The following KHNYN variants were observed in gnomAD, a reference collection of about 807,000 sequenced individuals.
The protein encoded by KHNYN is KH and NYN domain containing.
Under a neutral mutation model 62.7 loss-of-function variants are expected in KHNYN, and 42 were observed. The observed-to-expected ratio is 0.67, with a 90% CI of 0.52 to 0.87. The LOEUF (loss-of-function observed/expected upper bound fraction) is 0.87, where lower values mean the gene tolerates loss of function less well. Among genes scored for constraint, KHNYN ranks in the 40% least tolerant of loss-of-function variants. KHNYN has a pLI of 0.00. For missense variants in KHNYN, 829 were observed against 874.1 expected, an observed-to-expected ratio of 0.95 and a Z score of 0.65; for synonymous variants, 347 against 345.6, an observed-to-expected ratio of 1.00 and a Z score of -0.04.
rs370513271 is a variant in KHNYN, at chr14:24,430,845, G to T, written c.115G>T (p.Val39Leu). 1.9e-6 allele frequency: 3 copies of T among 1,613,480 alleles called. No homozygotes were observed. The highest frequency in any genetic ancestry group is 4.5e-5 in the East Asian group (2 of 44,868). Residue 39 changes from valine (V) to leucine (L), a missense_variant, in exon 2 of 8, where the codon GTG becomes TTG. By Grantham distance (32) the Val-to-Leu change is conservative. Around this residue, in one of 2 missense-constraint regions of KHNYN, gnomAD observed 559 missense variants for 527.0 expected, o/e 1.06. Coordinates refer to ENST00000553935, the MANE Select transcript of KHNYN (RefSeq NM_015299.3). ...TGTGGAGCGCATCTTCAGCGTGGGG[G>T]TGAGCGTCCTTCCGAAGGACTGTCC... Reference protein sequence around the residue: ...PHVERIFSVGVSVLPKDCPDN... With the variant: ...PHVERIFSVGLSVLPKDCPDN...
At chr14:24,430,629 AC>A (rs2043089292) in intron 1 of KHNYN, 84 bp from the exon 2 acceptor site, 15 of 1,491,578 alleles carry the variant, frequency 1.0e-5, no homozygotes, top group Non-Finnish European at 1.2e-5. Context: ...ACTAGGTGCG[AC>A]CTGTTGATAG....
At position 24,440,790 on chromosome 14, in the gene KHNYN, C is replaced by A. The variant is rs1476631626; in HGVS notation, c.*3505C>A. 1 of 1,613,756 alleles carries A rather than the reference C, an allele frequency of 6.2e-7. No individual in the cohort carries two copies. The highest frequency in any genetic ancestry group is 1.3e-5 in the African/African-American group (1 of 74,884). ...CCCAGGCCCGTTTCTCACCTGAGCG[C>A]ACCACCACCTGGCGTGTAGAATCTC... On this transcript the variant is annotated 3_prime_UTR_variant, in exon 8 of 8. Coordinates refer to ENST00000553935, the MANE Select transcript of KHNYN (RefSeq NM_015299.3).
At chr14:24,427,751 T>G (rs764958474), upstream of KHNYN, 26 of 1,601,428 alleles carry the variant, frequency 1.6e-5, no homozygotes, top group Middle Eastern at 3.3e-4. The surrounding 1 kb of genome is among the most constrained non-coding windows in gnomAD (Gnocchi z 4.4). Flanking sequence ...AAGAAAGTTG[T>G]CAGGGGCTGG....
At chr14:24,427,989 G>A, upstream of KHNYN, 1 of 1,611,884 alleles carries the variant, frequency 6.2e-7, no homozygotes, top group Non-Finnish European at 8.5e-7. The surrounding 1 kb of genome is among the most constrained non-coding windows in gnomAD (Gnocchi z 4.4). Flanking sequence ...AGGCTCACCT[G>A]GGGAGGGGAG....
chr14:24,435,582 G>C (rs1284827659), intron 5 of KHNYN: 1 of 160,906 alleles, frequency 6.2e-6, no homozygotes, highest in African/African-American at 2.4e-5. Context: ...AGAGCACAAG[G>C]CTTTTCAAAG....
Position 24,437,966 on chromosome 14 carries a change from T to G in KHNYN, c.*681T>G, listed in dbSNP as rs1157805957. ...AAAGGTGCTTGGACCAAGTCTCAGG[T>G]GTGTCTGCCTGTGGCTGCACAGGCT... is the stretch of plus-strand genomic sequence containing the variant. On this transcript the variant is annotated 3_prime_UTR_variant, in exon 8 of 8. Coordinates refer to ENST00000553935, the MANE Select transcript of KHNYN (RefSeq NM_015299.3). This position sits in a 1 kb window ranked among gnomAD's most constrained non-coding sequence, Gnocchi z 5.5. 6.6e-6 allele frequency: 1 copy of G among 152,556 alleles called. No homozygotes were observed. Among genetic ancestry groups the G allele is most frequent in the Non-Finnish European group, 1.5e-5 (1 of 68,040 alleles). 9.5% of individuals were successfully genotyped at this position (152,556 alleles called of 1,614,324 possible). A position where few individuals can be genotyped will look rare whatever the true frequency, so the allele number is the denominator to read the frequency against.
At position 24,431,938 on chromosome 14, in the gene KHNYN, C is replaced by G. The variant is rs2043123079; in HGVS notation, c.677C>G (p.Ala226Gly). 9.9e-6 allele frequency: 16 copies of G among 1,613,512 alleles called. No individual in the cohort carries two copies. The highest frequency in any genetic ancestry group is 1.6e-4 in the Middle Eastern group (1 of 6,078). ...LLGAQCQGVRAPPSDGRESLD... is the reference protein window; with the variant it reads ...LLGAQCQGVRGPPSDGRESLD... ...GGTGCTCAGTGCCAAGGAGTGAGAG[C>G]TCCCCCTAGTGACGGCAGGGAGTCC... is the stretch of plus-strand genomic sequence containing the variant. The change falls in exon 3 of 8, where the codon GCT (alanine) becomes GGT (glycine). Residue 226 changes from alanine (A) to glycine (G), a missense_variant. Ala to Gly is a moderately conservative substitution (Grantham distance 60). This residue lies in a region of KHNYN where 559 missense variants were observed against 527.0 expected (regional missense o/e 1.06). Transcript: ENST00000553935.
At chr14:24,429,702 G>C (rs1176201346), upstream of KHNYN, 1 of 985,414 alleles carries the variant, frequency 1.0e-6, no homozygotes, top group Middle Eastern at 5.2e-4. Context: ...CTTTATTCGC[G>C]GGAAACAACT....
upstream of KHNYN, among the ~76,000 whole-genome samples, chr14:24,425,679 C>G (rs777315409): frequency 2.0e-5 from 3 of 152,224 alleles, no homozygotes; most frequent in African/African-American, 4.8e-5. Flanking sequence ...CAAACCTACT[C>G]TTAATCATTT....
At chr14:24,430,517 A>G in intron 1 of KHNYN, 197 bp from the exon 2 acceptor site, 1 of 1,392,756 alleles carries the variant, frequency 7.2e-7, no homozygotes, top group South Asian at 1.6e-5. Flanking sequence ...AGCCTTGTTT[A>G]CCGGGACTTC....
Position 24,440,225 on chromosome 14 carries a change from G to A in KHNYN, c.*2940G>A, listed in dbSNP as rs745607800. On this transcript the variant is annotated 3_prime_UTR_variant, in exon 8 of 8. Coordinates refer to ENST00000553935, the MANE Select transcript of KHNYN (RefSeq NM_015299.3). ...TCGCCCAAAGACAGCTTGCACCACA[G>A]CGCTGGGGAGAGGGATGAAGGCTCG... 1 of 1,613,974 alleles carries A rather than the reference G, an allele frequency of 6.2e-7. No individual in the cohort carries two copies. Among genetic ancestry groups the A allele is most frequent in the Non-Finnish European group, 8.5e-7 (1 of 1,179,818 alleles).
Position 24,432,027 on chromosome 14 carries a change from GAGA to G in KHNYN, c.769_771del (p.Lys257del), listed in dbSNP as rs1436232335. Reference sequence around the variant, plus strand: ...AGCAAGGGGAGACACTTACGCTGTGGAGAAGGAGGGAGGGAAACAGGGTGGTCC... The same window carrying G: ...AGCAAGGGGAGACACTTACGCTGTGGAGGAGGGAGGGAAACAGGGTGGTCC... On this transcript the variant is annotated inframe_deletion, in exon 3 of 8. Coordinates refer to ENST00000553935, the MANE Select transcript of KHNYN (RefSeq NM_015299.3). This position sits in a 1 kb window ranked among gnomAD's most constrained non-coding sequence, Gnocchi z 5.6. 3.7e-6 allele frequency: 6 copies of G among 1,605,744 alleles called. No individual in the cohort carries two copies. Among genetic ancestry groups the G allele is most frequent in the Admixed American group, 1.7e-5 (1 of 59,530 alleles).
In KHNYN at chr14:24,441,590, G is replaced by T. The variant is rs1160414716; in HGVS notation, c.*4305G>T. On this transcript the variant is annotated 3_prime_UTR_variant, in exon 8 of 8. Transcript: ENST00000553935. ...GTCATTTTGCCTGGAAAAGACCAGTGCTCTGGTGTGTGCATAGCTACAGAG... is the reference window on the plus strand; with the variant it reads ...GTCATTTTGCCTGGAAAAGACCAGTTCTCTGGTGTGTGCATAGCTACAGAG... 8.4e-7 allele frequency: 1 copy of T among 1,185,646 alleles called. No individual in the cohort carries two copies. The highest frequency in any genetic ancestry group is 1.2e-6 in the Non-Finnish European group (1 of 843,736). 73.4% of individuals were successfully genotyped at this position (1,185,646 alleles called of 1,614,324 possible). A position where few individuals can be genotyped will look rare whatever the true frequency, so the allele number is the denominator to read the frequency against.
rs1294079551 is a variant in KHNYN at position 24,440,504 on chromosome 14, AAG to A, written c.*3222_*3223del. On this transcript the variant is annotated 3_prime_UTR_variant, in exon 8 of 8. Coordinates refer to ENST00000553935, the MANE Select transcript of KHNYN (RefSeq NM_015299.3). ...GCCCAGCACAACCCCTAGAGCAGGA[AAG>A]AGGGAAGGTACAGGGGTCCTCTCAG... The A allele has an allele frequency of 6.3e-7, 1 of 1,595,298 alleles. No individual in the cohort carries two copies. Among genetic ancestry groups the A allele is most frequent in the African/African-American group, 1.3e-5 (1 of 74,524 alleles).
At chr14:24,430,149 G>C in intron 1 of KHNYN, 30 bp downstream of exon 1, 1 of 983,118 alleles carries the variant, frequency 1.0e-6, no homozygotes, top group Non-Finnish European at 1.2e-6. Flanking sequence ...GCGCCCGGGA[G>C]CGGGGAGCGG....
In KHNYN at chr14:24,432,943, C is replaced by T; in HGVS notation, c.1488C>T (p.His496=). 6.2e-7 allele frequency: 1 copy of T among 1,614,228 alleles called. No homozygotes were observed. The change falls in exon 5 of 8, where the codon CAC becomes CAT. Residue 496 remains histidine, a synonymous_variant. Coordinates refer to ENST00000553935, the MANE Select transcript of KHNYN (RefSeq NM_015299.3). The surrounding 1 kb of genome is among the most constrained non-coding windows in gnomAD (Gnocchi z 5.6). ...TATGTTCTTTTTCAATAGAGAGTCACTTCCTGCAAAAGCTGTATTCCCTCA... is the reference window on the plus strand; with the variant it reads ...TATGTTCTTTTTCAATAGAGAGTCATTTCCTGCAAAAGCTGTATTCCCTCA... ...FSKDAKVRES[H]FLQKLYSLSL...
In KHNYN at chr14:24,432,403, A is replaced by G. The variant is rs921819316; in HGVS notation, c.1142A>G (p.Asp381Gly). The change falls in exon 3 of 8, where the codon GAC becomes GGC. Residue 381 changes from aspartate to glycine, a missense_variant. Physicochemically the swap from Asp to Gly is moderately conservative, Grantham distance 94 (BLOSUM62 -1). This residue lies in a region of KHNYN where 559 missense variants were observed against 527.0 expected (regional missense o/e 1.06). Transcript: ENST00000553935. This position sits in a 1 kb window ranked among gnomAD's most constrained non-coding sequence, Gnocchi z 5.6. ...CGGGGTGACTGCGGAGACCGGGGAG[A>G]CGTGGGGGACAGGGGAGACAAGCAG... ...GDRGDCGDRG[D>G]VGDRGDKQQG... 1.2e-6 allele frequency: 2 copies of G among 1,613,358 alleles called. No individual in the cohort carries two copies. Among genetic ancestry groups the G allele is most frequent in the Non-Finnish European group, 1.7e-6 (2 of 1,179,828 alleles).
chr14:24,432,887 G>T lies in KHNYN; in HGVS notation c.1480+35G>T. On this transcript the variant is annotated intron_variant, in intron 4 of 7. Transcript: ENST00000553935. The surrounding 1 kb of genome is among the most constrained non-coding windows in gnomAD (Gnocchi z 5.6). ...GCCTGGTCTTCAGTGTCCCAGGATA[G>T]GCTCTGTTTCCACTTTGAGGAGAAC... 6.2e-7 allele frequency: 1 copy of T among 1,614,204 alleles called. No homozygotes were observed. The highest frequency in any genetic ancestry group is 8.5e-7 in the Non-Finnish European group (1 of 1,180,026).
intron 5 of KHNYN, 103 bp from the exon 6 acceptor site, chr14:24,435,968 TG>T: frequency 1.2e-6 from 1 of 829,728 alleles, no homozygotes; most frequent in Non-Finnish European, 2.1e-6. Context: ...TATTGCATAG[TG>T]GTGAAGTCTA....
Sources: allele counts gnomAD v4.1 joint callset (sites outside exome capture counted in the v4.1 genomes callset), GRCh38; gene constraint gnomAD v4.1.1; regional missense constraint gnomAD v4.1.1; non-coding constraint Gnocchi (gnomAD v3.1); transcripts MANE v1.5; gene names NCBI Gene and HGNC (gene_info 2026-07-23, HGNC 2026-07-21).